ABLIM3: variants seen among roughly 807,000 people sequenced by gnomAD.
ABLIM3 encodes the protein actin-binding LIM protein 3.
Under a neutral mutation model 109.5 loss-of-function variants are expected in ABLIM3, and 61 were observed. The ratio of observed to expected loss-of-function variants is 0.56; its 90% CI spans 0.45 to 0.69. The LOEUF is 0.69. Among genes scored for constraint, ABLIM3 ranks in the 30% least tolerant of loss-of-function variants. The pLI, the probability that ABLIM3 is intolerant of heterozygous loss-of-function variation, is 0.00. For missense variants in ABLIM3, 796 were observed against 889.5 expected (o/e 0.89, Z 1.34); for synonymous variants, 300 against 324.8 (o/e 0.92, Z 0.82).
chr5:149,253,582 C>G (rs1754144265), intron 23 of ABLIM3, among the ~76,000 whole-genome samples: 1 of 152,176 alleles, frequency 6.6e-6, no homozygotes, highest in Non-Finnish European at 1.5e-5. Flanking sequence ...AGGCCTGAGG[C>G]AGTCAACACA....
intron 5 of ABLIM3, among the ~76,000 whole-genome samples, chr5:149,204,621 G>C (rs534639509): frequency 6.6e-6 from 1 of 152,302 alleles, no homozygotes; most frequent in Admixed American, 6.5e-5. Flanking sequence ...AAAAACAGGA[G>C]AATGTAAAAT....
chr5:149,252,541 C>T (rs1210530194), intron 22 of ABLIM3: 1 of 562,796 alleles, frequency 1.8e-6, no homozygotes, highest in Non-Finnish European at 3.2e-6. Flanking sequence ...CAAGCTTATT[C>T]CTAGTAGTAT....
rs1425741827 is a variant in ABLIM3 at position 149,217,173 on chromosome 5, G to A, written c.757+127G>A. On this transcript the variant is annotated intron_variant, in intron 8 of 23. Coordinates refer to ENST00000309868, the MANE Select transcript of ABLIM3 (RefSeq NM_014945.5). ...TATCTTGGCTTTTGCCTTGTCCTCA[G>A]AATTGCAATTAATTGGCCCCTCTCT... is the stretch of plus-strand genomic sequence containing the variant. The A allele has an allele frequency of 3.3e-6, 3 of 912,874 alleles. No individual in the cohort carries two copies. The African/African-American group carries it at 4.9e-5, about 15-fold the overall frequency. The allele number at this position is 912,874 out of a possible 1,614,324, so 56.5% of individuals were successfully genotyped here.
intron 8 of ABLIM3, among the ~76,000 whole-genome samples, chr5:149,228,626 A>G (rs1761543875): frequency 6.6e-6 from 1 of 152,238 alleles, no homozygotes; most frequent in Non-Finnish European, 1.5e-5. Flanking sequence ...AGGGATCTTC[A>G]TGAACAAATC....
At chr5:149,226,018 A>C (rs1351141686) in intron 8 of ABLIM3, among the ~76,000 whole-genome samples, 3 of 95,720 alleles carry the variant, frequency 3.1e-5, no homozygotes, top group African/African-American at 1.3e-4. Context: ...ATATATATAT[A>C]TATATATATC....
chr5:149,177,977 T>C (rs921371620), intron 2 of ABLIM3, among the ~76,000 whole-genome samples: 6 of 152,186 alleles, frequency 3.9e-5, no homozygotes, highest in Non-Finnish European at 8.8e-5. Context: ...AACCAGCAAG[T>C]GGCAGGGCTG....
chr5:149,248,715 G>A (rs1230976069), intron 18 of ABLIM3, among the ~76,000 whole-genome samples: 9 of 134,804 alleles, frequency 6.7e-5, no homozygotes, highest in Admixed American at 1.5e-4. Context: ...AAAAAAGAAC[G>A]ATGTCTTATA....
intron 2 of ABLIM3, among the ~76,000 whole-genome samples, chr5:149,154,247 C>T (rs543741191): frequency 1.3e-5 from 2 of 152,176 alleles, no homozygotes; most frequent in Admixed American, 6.5e-5. Flanking sequence ...CAGCCCTGCC[C>T]GTCTGGTGAT....
intron 2 of ABLIM3, among the ~76,000 whole-genome samples, chr5:149,145,837 G>A (rs1457602484): frequency 1.3e-5 from 2 of 151,096 alleles, no homozygotes; most frequent in African/African-American, 4.9e-5. Flanking sequence ...CCAGGCTGAT[G>A]TTCAGTGTAA....
Position 149,239,278 on chromosome 5 carries a change from G to C in ABLIM3, c.1074+1G>C, listed in dbSNP as rs1239103995. On this transcript the variant is annotated splice_donor_variant, in intron 12 of 23. Transcript: ENST00000309868. LOFTEE classifies it high-confidence loss of function. Reference sequence around the variant, plus strand: ...GGGAACATTATCTCCCTACTCCCAGGTAATTCAGCTGATAGAGAATTAAGT... The same window carrying C: ...GGGAACATTATCTCCCTACTCCCAGCTAATTCAGCTGATAGAGAATTAAGT... 1.2e-6 allele frequency: 2 copies of C among 1,613,852 alleles called. No individual in the cohort carries two copies. Among genetic ancestry groups the C allele is most frequent in the Non-Finnish European group, 1.7e-6 (2 of 1,179,788 alleles).
At chr5:149,200,651 C>T in intron 5 of ABLIM3, 1 of 563,890 alleles carries the variant, frequency 1.8e-6, no homozygotes, top group South Asian at 2.3e-5. Flanking sequence ...CAGTGGTAGC[C>T]AGTGCCAATA....
intron 19 of ABLIM3, 121 bp from the exon 20 acceptor site, chr5:149,250,319 GTGGCCTC>G (rs1462097050): frequency 1.2e-6 from 1 of 836,394 alleles, no homozygotes; most frequent in Admixed American, 2.1e-5. Flanking sequence ...GGAAGAGTTG[GTGGCCTC>G]TGGCCTCCAC....
intron 2 of ABLIM3, among the ~76,000 whole-genome samples, chr5:149,168,565 C>T (rs1755048279): frequency 6.6e-6 from 1 of 152,130 alleles, no homozygotes; most frequent in Admixed American, 6.5e-5. Context: ...ACAGCTCTTC[C>T]TAAAAGGAAC....
At position 149,198,462 on chromosome 5, in the gene ABLIM3, A is replaced by G. The variant is rs1267311885; in HGVS notation, c.335+60A>G. The stretch of plus-strand genomic sequence containing the variant: ...GCATAAGCCCCCGGGGCAGGGGAAG[A>G]CCTGGCTTTTTCCAGGAAGTTCTGG... On this transcript the variant is annotated intron_variant, in intron 4 of 23. Transcript: ENST00000309868. The surrounding 1 kb of genome is among the most constrained non-coding windows in gnomAD (Gnocchi z 4.2). 6.6e-7 allele frequency: 1 copy of G among 1,505,380 alleles called. No individual in the cohort carries two copies. Among genetic ancestry groups the G allele is most frequent in the African/African-American group, 1.4e-5 (1 of 71,440 alleles). The allele number at this position is 1,505,380 out of a possible 1,614,324, so 93.3% of individuals were successfully genotyped here.
At chr5:149,226,133 A>C (rs1374173844) in intron 8 of ABLIM3, among the ~76,000 whole-genome samples, 4 of 150,874 alleles carry the variant, frequency 2.7e-5, no homozygotes, top group African/African-American at 9.8e-5. Context: ...TATTGCCACA[A>C]AGATAGTGCT....
chr5:149,146,470 C>A (rs1430275066), intron 2 of ABLIM3, among the ~76,000 whole-genome samples: 1 of 152,186 alleles, frequency 6.6e-6, no homozygotes, highest in Non-Finnish European at 1.5e-5. Context: ...AATCTTTCAT[C>A]CATCTTGAGT....
intron 8 of ABLIM3, among the ~76,000 whole-genome samples, chr5:149,229,416 TG>T (rs1027700747): frequency 6.6e-6 from 1 of 152,194 alleles, no homozygotes; most frequent in Non-Finnish European, 1.5e-5. Context: ...CCCACCTTAT[TG>T]TTCTTCAGAT....
intron 2 of ABLIM3, among the ~76,000 whole-genome samples, 173 bp from the exon 3 acceptor site, chr5:149,183,279 C>G (rs1198171295): frequency 6.6e-6 from 1 of 152,178 alleles, no homozygotes; most frequent in African/African-American, 2.4e-5. Flanking sequence ...ATGTCTCATA[C>G]CACTCAGTGC....
At position 149,225,924 on chromosome 5, in the gene ABLIM3, C is replaced by CAT. The variant is rs1242776430; in HGVS notation, c.758-4710_758-4709dup. On this transcript the variant is annotated intron_variant, in intron 8 of 23. Transcript: ENST00000309868. ...GCTGAGTAGTATTCCATCATATATA[C>CAT]ATATATATATATATATGTATGTATG... 8.1e-3 allele frequency among the ~76,000 whole-genome samples: 315 copies of CAT among 38,672 alleles called. 2 individuals are homozygous for CAT. The highest frequency in any genetic ancestry group is 0.019 in the Admixed American group (68 of 3,606). The allele number at this position is 38,672 out of a possible 152,430, so 25.4% of individuals were successfully genotyped here. A position where few individuals can be genotyped will look rare whatever the true frequency, so the allele number is the denominator to read the frequency against.
Sources: allele counts gnomAD v4.1 joint callset (sites outside exome capture counted in the v4.1 genomes callset), GRCh38; gene constraint gnomAD v4.1.1; non-coding constraint Gnocchi (gnomAD v3.1); transcripts MANE v1.5; gene names NCBI Gene and HGNC (gene_info 2026-07-23, HGNC 2026-07-21).